The following RGS17 variants were observed in gnomAD, a reference collection of about 807,000 sequenced individuals.
RGS17 encodes regulator of G-protein signaling 17.
Under a neutral mutation model 25.5 loss-of-function variants are expected in RGS17, and 12 were observed. The observed-to-expected ratio is 0.47, with a 90% CI of 0.30 to 0.76. The LOEUF is 0.76. RGS17 is among the 30% of genes least tolerant of loss of function. The pLI is 0.07. For synonymous variants in RGS17, 71 were observed against 76.9 expected (o/e 0.92, Z 0.40); for missense variants, 196 against 242.2 (o/e 0.81, Z 1.27).
chr6:153,035,138 A>G (rs1344711203), intron 2 of RGS17, among the ~76,000 whole-genome samples: 1 of 126,320 alleles, frequency 7.9e-6, no homozygotes, highest in Non-Finnish European at 1.6e-5. Flanking sequence ...TGGGTGACAG[A>G]GCAAGACTCT....
chr6:153,045,690 C>A (rs562989267), intron 1 of RGS17, among the ~76,000 whole-genome samples: 126 of 152,236 alleles, frequency 8.3e-4, no homozygotes, highest in Non-Finnish European at 1.2e-3. Context: ...AAACAGACAA[C>A]CAACTCAACA....
chr6:153,086,973 T>C (rs758162337), intron 1 of RGS17, among the ~76,000 whole-genome samples: 8 of 152,140 alleles, frequency 5.3e-5, no homozygotes, highest in Admixed American at 1.3e-4. Context: ...TAAGTAAGTT[T>C]TCTCCCATCC....
At chr6:153,125,253 T>A (rs570331201) in intron 1 of RGS17, among the ~76,000 whole-genome samples, 1 of 152,294 alleles carries the variant, frequency 6.6e-6, no homozygotes, top group East Asian at 1.9e-4. Flanking sequence ...TGAACCACAA[T>A]CATTGACTAC....
chr6:153,116,174 C>T (rs1180591944), intron 1 of RGS17, among the ~76,000 whole-genome samples: 1 of 152,170 alleles, frequency 6.6e-6, no homozygotes, highest in East Asian at 1.9e-4. Flanking sequence ...ATCTGTCTGT[C>T]TGACAAAGGG....
intron 1 of RGS17, among the ~76,000 whole-genome samples, chr6:153,098,344 G>A (rs1777248273): frequency 6.6e-6 from 1 of 152,144 alleles, no homozygotes; most frequent in South Asian, 2.1e-4. Context: ...GACATATCAG[G>A]AACCACTGCT....
intron 1 of RGS17, among the ~76,000 whole-genome samples, chr6:153,059,927 T>G (rs1423528634): frequency 6.6e-6 from 1 of 152,190 alleles, no homozygotes; most frequent in Non-Finnish European, 1.5e-5. Flanking sequence ...TTCCACCATC[T>G]GGGAGGTTGT....
intron 1 of RGS17, among the ~76,000 whole-genome samples, chr6:153,129,310 T>C (rs978352777): frequency 6.6e-5 from 10 of 152,202 alleles, no homozygotes; most frequent in African/African-American, 9.7e-5. Context: ...CAGTAACAAC[T>C]GGAGGAGGTC....
chr6:153,032,898 A>G (rs1210802237), intron 2 of RGS17, among the ~76,000 whole-genome samples: 2 of 152,254 alleles, frequency 1.3e-5, no homozygotes, highest in African/African-American at 4.8e-5. Flanking sequence ...TGCTGGGATA[A>G]TACAGAACTT....
intron 1 of RGS17, among the ~76,000 whole-genome samples, chr6:153,100,545 GA>G (rs35700246): frequency 0.86 from 130,258 of 151,808 alleles, 56,237 homozygotes; most frequent in African/African-American, 0.96. Context: ...AAAAGAAAAA[GA>G]AAAAAAAGGA....
At chr6:153,109,170 A>AT (rs11290666) in intron 1 of RGS17, among the ~76,000 whole-genome samples, 23 of 151,324 alleles carry the variant, frequency 1.5e-4, no homozygotes, top group South Asian at 4.2e-4. Context: ...GCTAAACGCC[A>AT]TTTTTTTTTC....
chr6:153,057,603 G>C (rs1309535654), intron 1 of RGS17, among the ~76,000 whole-genome samples: 8 of 152,110 alleles, frequency 5.3e-5, no homozygotes, highest in African/African-American at 1.9e-4. Context: ...GGATGGGTGT[G>C]GGGGATGGTT....
chr6:153,063,826 G>T (rs969070970), intron 1 of RGS17, among the ~76,000 whole-genome samples: 4 of 152,052 alleles, frequency 2.6e-5, no homozygotes, highest in African/African-American at 9.7e-5. Context: ...CAAGGATGAA[G>T]AAAGGATCCT....
At chr6:153,063,642 T>C (rs765553503) in intron 1 of RGS17, among the ~76,000 whole-genome samples, 17 of 151,882 alleles carry the variant, frequency 1.1e-4, no homozygotes, top group Non-Finnish European at 2.2e-4. Context: ...AGAGAGAAGG[T>C]AGAGAAAGAG....
intron 4 of RGS17, 28 bp from the exon 5 acceptor site, chr6:153,011,790 AAAT>A (rs776599989): frequency 6.7e-7 from 1 of 1,496,054 alleles, no homozygotes; most frequent in South Asian, 1.2e-5. Context: ...CAAATACATT[AAAT>A]AATATTTTTT....
intron 1 of RGS17, among the ~76,000 whole-genome samples, chr6:153,106,978 G>A (rs1020553139): frequency 2.6e-5 from 4 of 152,048 alleles, no homozygotes; most frequent in Admixed American, 6.5e-5. Context: ...GAGTTCTACA[G>A]CCAGAGCTAG....
intron 1 of RGS17, among the ~76,000 whole-genome samples, chr6:153,122,540 C>G (rs1248941767): frequency 6.6e-6 from 1 of 151,964 alleles, no homozygotes; most frequent in Admixed American, 6.5e-5. Context: ...TAGCTTGAGT[C>G]AAAATTGCCA....
Position 153,006,140 on chromosome 6 carries a change from C to T in RGS17, c.*5434G>A, listed in dbSNP as rs1779072027. 1 of 152,124 alleles carries T rather than the reference C, an allele frequency of 6.6e-6. No homozygotes were observed. Among genetic ancestry groups the T allele is most frequent in the Non-Finnish European group, 1.5e-5 (1 of 68,038 alleles). The allele number at this position is 152,124 out of a possible 1,614,324, so 9.4% of individuals were successfully genotyped here. ...TGCTGGGATTGTATGCGTGAGCCAC[C>T]GTGCCTGGCCCATTACCACCTTTTA... On this transcript the variant is annotated 3_prime_UTR_variant, in exon 5 of 5. Coordinates refer to ENST00000206262, the MANE Select transcript of RGS17 (RefSeq NM_012419.5).
chr6:153,078,317 C>A (rs953628223), intron 1 of RGS17, among the ~76,000 whole-genome samples: 1 of 152,090 alleles, frequency 6.6e-6, no homozygotes, highest in Admixed American at 6.5e-5. Flanking sequence ...CTACAAAAAA[C>A]CTTTTGGGAT....
At chr6:153,042,397 T>G (rs1776333443) in intron 2 of RGS17, among the ~76,000 whole-genome samples, 1 of 152,158 alleles carries the variant, frequency 6.6e-6, no homozygotes, top group South Asian at 2.1e-4. Context: ...GCTGTCCTCA[T>G]GACAGTGAAT....
Sources: gnomAD v4.1 joint callset for allele counts (sites outside exome capture counted in the v4.1 genomes callset) on GRCh38, gnomAD v4.1.1 for gene constraint, MANE v1.5 for transcripts, NCBI Gene and HGNC (gene_info 2026-07-23, HGNC 2026-07-21) for gene names.